The following UMAD1 variants were observed in gnomAD, a reference collection of about 807,000 sequenced individuals.
The protein encoded by UMAD1 is UBAP1-MVB12-associated (UMA) domain containing 1.
A neutral mutation model predicts 6.1 loss-of-function variants in UMAD1; 8 were observed. That is an observed-to-expected ratio of 1.30 (90% confidence interval 0.76 to 2.35). The LOEUF is 2.35. Ranked by LOEUF, UMAD1 falls within the 30% of genes most tolerant of loss-of-function variation. The probability of loss-of-function intolerance (pLI) is 0.00; values close to 1 mark genes in which losing one functional copy is unlikely to be tolerated. For synonymous variants in UMAD1, 56 were observed against 31.4 expected, an observed-to-expected ratio of 1.78 and a Z score of -2.61; for missense variants, 130 against 78.4, an observed-to-expected ratio of 1.66 and a Z score of -2.49.
intron 2 of UMAD1, among the ~76,000 whole-genome samples, chr7:7,788,170 CG>C (rs1400934050): frequency 6.6e-6 from 1 of 152,070 alleles, no homozygotes; most frequent in Non-Finnish European, 1.5e-5. Flanking sequence ...CAAGGTAGTG[CG>C]TGTAATTAAG....
chr7:7,846,935 T>C (rs1213172692), intron 3 of UMAD1, among the ~76,000 whole-genome samples: 1 of 139,316 alleles, frequency 7.2e-6, no homozygotes, highest in Non-Finnish European at 1.5e-5. Context: ...AGGGATAGCA[T>C]TGGGAGATAT....
At position 7,704,392 on chromosome 7, in the gene UMAD1, G is replaced by T. The variant is rs116303872; in HGVS notation, c.82+30939G>T. Among the ~76,000 whole-genome samples the T allele has an allele frequency of 6.0e-3, 918 of 151,760 alleles. 14 individuals carry two copies. The highest frequency in any genetic ancestry group is 0.021 in the African/African-American group (868 of 41,362). ...ATATAACTGACGTAAGAGTCCTTTG[G>T]GTCCTCAGTAATTTTTGAGAGCATA... is the stretch of plus-strand genomic sequence containing the variant. On this transcript the variant is annotated intron_variant, in intron 2 of 3. Transcript: ENST00000682710.
intron 2 of UMAD1, among the ~76,000 whole-genome samples, chr7:7,675,721 A>G (rs907497958): frequency 6.6e-6 from 1 of 152,304 alleles, no homozygotes; most frequent in Admixed American, 6.5e-5. Context: ...CGTACCCAGC[A>G]CCATATGTCT....
In UMAD1 at chr7:7,758,475, A is replaced by T. The variant is rs190221586; in HGVS notation, c.83-43195A>T. Among the ~76,000 whole-genome samples the T allele has an allele frequency of 3.1e-4, 47 of 152,294 alleles. No homozygotes were observed. The East Asian group carries it at 8.7e-3, about 28-fold the overall frequency. On this transcript the variant is annotated intron_variant, in intron 2 of 3. Coordinates refer to ENST00000682710, the MANE Select transcript of UMAD1 (RefSeq NM_001302348.2). The stretch of plus-strand genomic sequence containing the variant: ...AAAGTTATAAAGTATAATACAACCA[A>T]CATCCACATACCTACCATCCAGCTT...
At chr7:7,780,188 A>G (rs1405556216) in intron 2 of UMAD1, among the ~76,000 whole-genome samples, 1 of 152,158 alleles carries the variant, frequency 6.6e-6, no homozygotes, top group African/African-American at 2.4e-5. Flanking sequence ...ATTGCCATTT[A>G]CTACACACAT....
chr7:7,804,353 G>A (rs1485827439), intron 3 of UMAD1, among the ~76,000 whole-genome samples: 1 of 152,198 alleles, frequency 6.6e-6, no homozygotes, highest in Non-Finnish European at 1.5e-5. Context: ...CATCTAACAT[G>A]GGATTTGTTA....
At chr7:7,744,324 G>A (rs1781527975) in intron 2 of UMAD1, among the ~76,000 whole-genome samples, 1 of 152,092 alleles carries the variant, frequency 6.6e-6, no homozygotes, top group Admixed American at 6.5e-5. Flanking sequence ...TTCACTGATT[G>A]ATGGACATTT....
At chr7:7,675,747 A>C (rs1779722590) in intron 2 of UMAD1, among the ~76,000 whole-genome samples, 1 of 152,160 alleles carries the variant, frequency 6.6e-6, no homozygotes, top group Non-Finnish European at 1.5e-5. Context: ...TTGAACAGTC[A>C]TGGTGAGGAA....
intron 3 of UMAD1, among the ~76,000 whole-genome samples, chr7:7,867,505 C>G (rs1333159022): frequency 1.3e-5 from 2 of 152,084 alleles, no homozygotes; most frequent in South Asian, 2.1e-4. Flanking sequence ...GTACCGAAGC[C>G]AAGAACTAAA....
intron 2 of UMAD1, among the ~76,000 whole-genome samples, chr7:7,684,787 G>A (rs1423436602): frequency 6.6e-6 from 1 of 152,142 alleles, no homozygotes; most frequent in Admixed American, 6.5e-5. Context: ...AACATCTGAG[G>A]TACCTTTTAA....
chr7:7,757,145 T>C (rs1781794277), intron 2 of UMAD1, among the ~76,000 whole-genome samples: 2 of 152,350 alleles, frequency 1.3e-5, no homozygotes, highest in Admixed American at 6.5e-5. Context: ...AGAGTATCCA[T>C]TCATAAGCAA....
At chr7:7,692,123 C>T (rs1275147867) in intron 2 of UMAD1, among the ~76,000 whole-genome samples, 2 of 152,114 alleles carry the variant, frequency 1.3e-5, no homozygotes, top group Non-Finnish European at 2.9e-5. Context: ...CAGAGTACTT[C>T]GCCCCCTTTT....
At chr7:7,716,672 G>A (rs1442496104) in intron 2 of UMAD1, among the ~76,000 whole-genome samples, 1 of 152,244 alleles carries the variant, frequency 6.6e-6, no homozygotes, top group African/African-American at 2.4e-5. Context: ...CGCGGCCGGC[G>A]CGGTGGCTCA....
intron 3 of UMAD1, among the ~76,000 whole-genome samples, chr7:7,849,568 G>A (rs951144888): frequency 5.9e-5 from 9 of 152,110 alleles, no homozygotes; most frequent in Non-Finnish European, 4.4e-5. Flanking sequence ...CCAACCCTGC[G>A]ATGGTCATTC....
chr7:7,837,560 A>G (rs1314168750), intron 3 of UMAD1, among the ~76,000 whole-genome samples: 3 of 152,122 alleles, frequency 2.0e-5, no homozygotes, highest in Non-Finnish European at 2.9e-5. Context: ...ATGCATGTTA[A>G]CATTTCTAGG....
At chr7:7,714,703 C>A (rs775458480) in intron 2 of UMAD1, among the ~76,000 whole-genome samples, 42 of 152,006 alleles carry the variant, frequency 2.8e-4, no homozygotes, top group Non-Finnish European at 5.9e-4. Flanking sequence ...TCCCTAACTG[C>A]AAATAAAGGC....
intron 3 of UMAD1, among the ~76,000 whole-genome samples, chr7:7,873,965 C>G (rs540101111): frequency 6.6e-6 from 1 of 152,282 alleles, no homozygotes; most frequent in South Asian, 2.1e-4. Flanking sequence ...GCTGCAGATT[C>G]AAATTATATC....
Position 7,848,689 on chromosome 7 carries a change from A to G in UMAD1, c.157-28592A>G, listed in dbSNP as rs546171727. ...AAGGTGACACAGGGGTTTGAAAGCC[A>G]GTAAATAATTATAAAAATTATAATT... On this transcript the variant is annotated intron_variant, in intron 3 of 3. Coordinates refer to ENST00000682710, the MANE Select transcript of UMAD1 (RefSeq NM_001302348.2). Among the ~76,000 whole-genome samples the G allele has an allele frequency of 1.3e-3, 201 of 152,296 alleles. 1 individual carries two copies. The highest frequency in any genetic ancestry group is 2.2e-3 in the Non-Finnish European group (150 of 68,014).
chr7:7,691,945 A>G (rs1375737096), intron 2 of UMAD1, among the ~76,000 whole-genome samples: 1 of 152,326 alleles, frequency 6.6e-6, no homozygotes, highest in East Asian at 1.9e-4. Context: ...GTGGAAGGAA[A>G]AATTTTATAA....
Sources: allele counts gnomAD v4.1 joint callset (sites outside exome capture counted in the v4.1 genomes callset), GRCh38; gene constraint gnomAD v4.1.1; transcripts MANE v1.5; gene names NCBI Gene and HGNC (gene_info 2026-07-23, HGNC 2026-07-21).